Variants in CPEB1 observed in about 807,000 individuals in gnomAD.
CPEB1 encodes the protein cytoplasmic polyadenylation element-binding protein 1.
Under a neutral mutation model 65.8 loss-of-function variants are expected in CPEB1, and 7 were observed. That is an observed-to-expected ratio of 0.11 (90% CI 0.06 to 0.20). The LOEUF is 0.20. Ranked by LOEUF, CPEB1 falls within the 10% of genes least tolerant of loss-of-function variation. The probability of loss-of-function intolerance (pLI) is 1.00; values close to 1 mark genes in which losing one functional copy is unlikely to be tolerated. For synonymous variants in CPEB1, 262 were observed against 260.0 expected (o/e 1.01, Z -0.08); for missense variants, 551 against 712.2 (o/e 0.77, Z 2.58).
chr15:82,592,577 C>CAA (rs71453399), intron 3 of CPEB1, among the ~76,000 whole-genome samples: 9,273 of 85,176 alleles, frequency 0.11, 517 homozygotes, highest in African/African-American at 0.21. Flanking sequence ...GATATTGTCT[C>CAA]AAAAAAAAAA....
At position 82,571,551 on chromosome 15, in the gene CPEB1, CA is replaced by C. The variant is rs2040032016; in HGVS notation, c.272-20del. On this transcript the variant is annotated intron_variant, in intron 3 of 12. Coordinates refer to ENST00000684509, the MANE Select transcript of CPEB1 (RefSeq NM_001365242.1). The stretch of plus-strand genomic sequence containing the variant: ...TGGAAGTCTGTTTTGGAAAGGAGCA[CA>C]GCAGAAACCTCAGAGTTAAGGGCTG... 6.2e-7 allele frequency: 1 copy of C among 1,605,938 alleles called. No homozygotes were observed. Among genetic ancestry groups the C allele is most frequent in the East Asian group, 2.2e-5 (1 of 44,752 alleles).
At chr15:82,549,026 A>T (rs1237182085) in intron 10 of CPEB1, among the ~76,000 whole-genome samples, 1 of 152,246 alleles carries the variant, frequency 6.6e-6, no homozygotes, top group African/African-American at 2.4e-5. Flanking sequence ...CTCACTCAGA[A>T]AGTCCTCCTC....
Position 82,549,452 on chromosome 15 carries a change from A to G in CPEB1, c.1480+8T>C, listed in dbSNP as rs2035865433. 6.2e-7 allele frequency: 1 copy of G among 1,614,058 alleles called. No homozygotes were observed. The highest frequency in any genetic ancestry group is 1.3e-5 in the African/African-American group (1 of 74,920). ...CCAAGCTTTCGCACACAGAAGTGGG[A>G]CACTTACCAATGGGATACTTGTGCT... On this transcript the variant is annotated splice_region_variant and intron_variant, in intron 10 of 12. Transcript: ENST00000684509.
At chr15:82,555,833 A>G in intron 6 of CPEB1, 37 bp downstream of exon 6, 1 of 1,578,858 alleles carries the variant, frequency 6.3e-7, no homozygotes, top group Non-Finnish European at 8.5e-7. Flanking sequence ...TCCCAAAATG[A>G]GGCCTCAGGC....
At chr15:82,620,147 C>T (rs2045159303) in intron 3 of CPEB1, among the ~76,000 whole-genome samples, 1 of 152,016 alleles carries the variant, frequency 6.6e-6, no homozygotes, top group Non-Finnish European at 1.5e-5. Context: ...GGTTGCTCAC[C>T]CCTATAATCT....
Position 82,555,931 on chromosome 15 carries a change from G to C in CPEB1, c.879C>G (p.Leu293=). 6 of 1,613,432 alleles carry C rather than the reference G, an allele frequency of 3.7e-6. 1 individual carries two copies. In the East Asian group the frequency reaches 1.1e-4, roughly 30 times the overall value. ...GASVWPSWDL[L]EAPKDPFSIE... is the part of the protein sequence containing the mutation. Reference sequence around the variant, plus strand: ...TGCTGAAGGGGTCTTTGGGAGCTTCGAGGAGGTCCCAGGATGGCCACACAG... The same window carrying C: ...TGCTGAAGGGGTCTTTGGGAGCTTCCAGGAGGTCCCAGGATGGCCACACAG... Residue 293 remains leucine, a synonymous_variant, in exon 6 of 13, where the codon CTC becomes CTG. Transcript: ENST00000684509.
rs759706108 is a variant in CPEB1, at chr15:82,547,244, C to G, written c.1481-7G>C. 7.0e-7 allele frequency: 1 copy of G among 1,432,938 alleles called. No homozygotes were observed. Among genetic ancestry groups the G allele is most frequent in the Admixed American group, 1.7e-5 (1 of 58,174 alleles). The allele number at this position is 1,432,938 out of a possible 1,614,324, so 88.8% of individuals were successfully genotyped here. ...AAAGTCACACGACCAGAACCTAGGA[C>G]AACAGACACAAGCTTCCCTTCTAAC... On this transcript the variant is annotated splice_region_variant and splice_polypyrimidine_tract_variant and intron_variant, in intron 10 of 12. Coordinates refer to ENST00000684509, the MANE Select transcript of CPEB1 (RefSeq NM_001365242.1).
At chr15:82,606,391 C>G (rs1200195750) in intron 3 of CPEB1, among the ~76,000 whole-genome samples, 1 of 151,408 alleles carries the variant, frequency 6.6e-6, no homozygotes, top group Non-Finnish European at 1.5e-5. Context: ...ACTGCTTGAA[C>G]CCAGGAGCTG....
chr15:82,571,918 G>A, intron 3 of CPEB1: 13 of 932,974 alleles, frequency 1.4e-5, no homozygotes, highest in Non-Finnish European at 1.7e-5. Flanking sequence ...GGGAAAGACA[G>A]CACAACAGCT....
intron 3 of CPEB1, chr15:82,573,126 A>G (rs3809507): frequency 0.063 from 96,284 of 1,535,306 alleles, 3,376 homozygotes; most frequent in Middle Eastern, 0.1. Context: ...TCGAGAGAAT[A>G]ATGCTGCCAC....
At chr15:82,604,485 CAA>C (rs1232646711) in intron 3 of CPEB1, among the ~76,000 whole-genome samples, 18 of 80,436 alleles carry the variant, frequency 2.2e-4, no homozygotes, top group Admixed American at 4.0e-4. Context: ...GACTCCATCT[CAA>C]AAAAAAAAAA....
Position 82,606,455 on chromosome 15 carries a change from G to A in CPEB1, c.271+20738C>T, listed in dbSNP as rs376044671. 1.6e-3 allele frequency among the ~76,000 whole-genome samples: 241 copies of A among 149,534 alleles called. 1 individual carries two copies. Among genetic ancestry groups the A allele is most frequent in the African/African-American group, 5.7e-3 (231 of 40,576 alleles). The stretch of plus-strand genomic sequence containing the variant: ...ACTGCACTCCAACCTGGGTGACACA[G>A]GGATACTCCGTCTCAAAAAAAAAAA... On this transcript the variant is annotated intron_variant, in intron 3 of 12. Coordinates refer to ENST00000684509, the MANE Select transcript of CPEB1 (RefSeq NM_001365242.1).
At chr15:82,611,694 A>G (rs783521) in intron 3 of CPEB1, among the ~76,000 whole-genome samples, 75,392 of 151,616 alleles carry the variant, frequency 0.5, 19,328 homozygotes, top group African/African-American at 0.64. Context: ...GAGCCCAAGA[A>G]ATCACGTCTC....
chr15:82,600,817 G>A (rs142238439), intron 3 of CPEB1, among the ~76,000 whole-genome samples: 38 of 151,840 alleles, frequency 2.5e-4, no homozygotes, highest in Non-Finnish European at 4.7e-4. Flanking sequence ...AAAACGACAT[G>A]GGTTTGGACA....
intron 3 of CPEB1, among the ~76,000 whole-genome samples, chr15:82,580,448 T>C (rs1459887457): frequency 3.9e-5 from 6 of 152,184 alleles, no homozygotes; most frequent in African/African-American, 9.7e-5. Flanking sequence ...ATCTACAGTT[T>C]CACTTATAAT....
At chr15:82,612,500 A>C (rs2044261095) in intron 3 of CPEB1, among the ~76,000 whole-genome samples, 1 of 121,052 alleles carries the variant, frequency 8.3e-6, no homozygotes, top group East Asian at 2.6e-4. Flanking sequence ...CTGTCCAAAA[A>C]AAAAAAAACA....
chr15:82,646,327 C>T (rs907169081), intron 1 of CPEB1, among the ~76,000 whole-genome samples: 4 of 152,304 alleles, frequency 2.6e-5, no homozygotes, highest in African/African-American at 9.6e-5. Flanking sequence ...TCCCCACCAA[C>T]GACACAGCCC....
chr15:82,573,298 G>A, intron 3 of CPEB1: 1 of 794,186 alleles, frequency 1.3e-6, no homozygotes, highest in Non-Finnish European at 1.9e-6. Flanking sequence ...CCTGGCTGTA[G>A]ATATTCTGCT....
chr15:82,584,902 G>GTTT (rs1491170341), intron 3 of CPEB1, among the ~76,000 whole-genome samples: 1 of 22,774 alleles, frequency 4.4e-5, no homozygotes, highest in Non-Finnish European at 6.7e-5. Flanking sequence ...TTCCTAATTT[G>GTTT]CTTTTTTTTT....
Sources: gnomAD v4.1 joint callset for allele counts (sites outside exome capture counted in the v4.1 genomes callset) on GRCh38, gnomAD v4.1.1 for gene constraint, MANE v1.5 for transcripts, NCBI Gene and HGNC (gene_info 2026-07-23, HGNC 2026-07-21) for gene names.